Variants in POC1B observed in about 807,000 individuals in gnomAD.
POC1B encodes the protein POC1 centriolar protein B.
Under a neutral mutation model 60.6 loss-of-function variants are expected in POC1B, and 44 were observed. The ratio of observed to expected loss-of-function variants is 0.73; its 90% CI spans 0.57 to 0.93. POC1B has a LOEUF of 0.93. POC1B is among the 40% of genes least tolerant of loss of function. POC1B has a pLI of 0.00. For synonymous variants in POC1B, 180 were observed against 198.9 expected (o/e 0.90, Z 0.80); for missense variants, 555 against 572.3 (o/e 0.97, Z 0.31).
chr12:89,440,948 C>G (rs1881486395), intron 10 of POC1B, among the ~76,000 whole-genome samples: 1 of 152,250 alleles, frequency 6.6e-6, no homozygotes, highest in Non-Finnish European at 1.5e-5. Flanking sequence ...TCTTAGCAAA[C>G]AGCACACCAG....
chr12:89,522,601 C>A, intron 2 of POC1B: 2 of 458,052 alleles, frequency 4.4e-6, no homozygotes, highest in Admixed American at 4.1e-5. Flanking sequence ...ATAAAACAAC[C>A]AATAAGTAAG....
In POC1B at chr12:89,524,028, A is replaced by G. The variant is rs375005667; in HGVS notation, c.100+1092T>C. The G allele has an allele frequency of 3.0e-5, 48 of 1,613,522 alleles. 1 individual carries two copies. In the Middle Eastern group the frequency reaches 6.6e-4, roughly 22 times the overall value. On this transcript the variant is annotated intron_variant, in intron 2 of 11. Transcript: ENST00000313546. ...TCAAATAAACTCTGTCACTCAAGTC[A>G]TCCACCAAGATGATCTCTTTCAAAA...
chr12:89,406,912 G>A, the POC1B span, among the ~76,000 whole-genome samples: 3 of 152,024 alleles, frequency 2.0e-5, no homozygotes, highest in East Asian at 3.9e-4. Flanking sequence ...TTGGGAGGTG[G>A]AGACGATAGG....
In POC1B at chr12:89,459,667, T is replaced by G. The variant is rs745746898; in HGVS notation, c.1084A>C (p.Met362Leu). The G allele has an allele frequency of 2.0e-6, 3 of 1,498,042 alleles. No homozygotes were observed. In the South Asian group the frequency reaches 4.0e-5, roughly 20 times the overall value. 92.8% of individuals were successfully genotyped at this position (1,498,042 alleles called of 1,614,324 possible). ...GTAGAATCAAAAGAAAGGATATCCA[T>G]AACAGGGGGAGTAGAGATCTGCAAA... ...IDLQISTPPVMDILSFDSTTT... is the reference protein window; with the variant it reads ...IDLQISTPPVLDILSFDSTTT... Residue 362 changes from methionine (M) to leucine (L), a missense_variant, in exon 10 of 12, where the codon ATG (methionine) becomes CTG (leucine). Coordinates refer to ENST00000313546, the MANE Select transcript of POC1B (RefSeq NM_172240.3).
Position 89,502,462 on chromosome 12 carries a change from G to A in POC1B, c.101-5120C>T, listed in dbSNP as rs370135428. ...AATATCGTCTAAAAGGAAGGCAAGA[G>A]AAAATATTGGAAAAGTTGACAAAAA... On this transcript the variant is annotated intron_variant, in intron 2 of 11. Coordinates refer to ENST00000313546, the MANE Select transcript of POC1B (RefSeq NM_172240.3). 6 of 1,182,004 alleles carry A rather than the reference G, an allele frequency of 5.1e-6. No homozygotes were observed. The South Asian group carries it at 6.5e-5, about 13-fold the overall frequency. 73.2% of individuals were successfully genotyped at this position (1,182,004 alleles called of 1,614,324 possible). A position where few individuals can be genotyped will look rare whatever the true frequency, so the allele number is the denominator to read the frequency against.
chr12:89,402,826 G>A, the POC1B span, among the ~76,000 whole-genome samples: 1 of 151,576 alleles, frequency 6.6e-6, no homozygotes, highest in Non-Finnish European at 1.5e-5. Context: ...TGCAACCTTC[G>A]CCTCCCAGGT....
At chr12:89,403,171 C>G in the POC1B span, among the ~76,000 whole-genome samples, 3 of 151,796 alleles carry the variant, frequency 2.0e-5, no homozygotes, top group Non-Finnish European at 2.9e-5. Context: ...CCACACCCAG[C>G]TAATTTTTGT....
chr12:89,433,084 G>A (rs904714949), intron 10 of POC1B, among the ~76,000 whole-genome samples: 4 of 152,200 alleles, frequency 2.6e-5, no homozygotes, highest in Non-Finnish European at 5.9e-5. Flanking sequence ...GACATGAATG[G>A]AAGAGTGGGG....
chr12:89,443,774 A>T (rs1881640876), intron 10 of POC1B, among the ~76,000 whole-genome samples: 1 of 151,962 alleles, frequency 6.6e-6, no homozygotes, highest in African/African-American at 2.4e-5. Context: ...TGAAGGAGAT[A>T]GAGACACAAA....
chr12:89,499,981 G>A, intron 2 of POC1B: 1 of 751,748 alleles, frequency 1.3e-6, no homozygotes, highest in Non-Finnish European at 2.2e-6. Context: ...TAAGGGTGTT[G>A]CTTGGCCGCC....
chr12:89,523,651 C>A (rs1232947961), intron 2 of POC1B: 1 of 1,537,690 alleles, frequency 6.5e-7, no homozygotes. Flanking sequence ...GGGGTCAATT[C>A]TTGATATCCG....
At chr12:89,504,330 T>C (rs1869788355) in intron 2 of POC1B, among the ~76,000 whole-genome samples, 1 of 152,192 alleles carries the variant, frequency 6.6e-6, no homozygotes, top group African/African-American at 2.4e-5. Context: ...CTCTGAAACA[T>C]GTGCTGTGTC....
intron 10 of POC1B, among the ~76,000 whole-genome samples, chr12:89,457,269 G>A (rs1448271419): frequency 6.6e-6 from 1 of 152,150 alleles, no homozygotes; most frequent in Non-Finnish European, 1.5e-5. Flanking sequence ...TCAGTGTAGG[G>A]AGGAGACTAT....
In POC1B at chr12:89,442,900, G is replaced by A. The variant is rs146909872; in HGVS notation, c.1113+16738C>T. 7.7e-3 allele frequency among the ~76,000 whole-genome samples: 1,165 copies of A among 152,266 alleles called. 10 individuals are homozygous for A. The highest frequency in any genetic ancestry group is 0.026 in the African/African-American group (1,089 of 41,538). On this transcript the variant is annotated intron_variant, in intron 10 of 11. Transcript: ENST00000313546. ...CACAATAGGCTCAAAATAAAGAGAT[G>A]GAGGAAGATCTACCAAGAAAATGAA...
At chr12:89,495,303 G>T (rs1869188614) in intron 3 of POC1B, among the ~76,000 whole-genome samples, 1 of 152,188 alleles carries the variant, frequency 6.6e-6, no homozygotes, top group Non-Finnish European at 1.5e-5. Context: ...AATTCCCAAA[G>T]TTAAGGGTTT....
chr12:89,517,042 CAT>C (rs112790633), intron 2 of POC1B, among the ~76,000 whole-genome samples: 38 of 152,172 alleles, frequency 2.5e-4, no homozygotes, highest in Non-Finnish European at 1.5e-4. Context: ...GACATGGACA[CAT>C]GTTTTGGAGG....
intron 4 of POC1B, among the ~76,000 whole-genome samples, chr12:89,483,243 T>C (rs1286878108): frequency 1.3e-5 from 2 of 152,202 alleles, no homozygotes; most frequent in Non-Finnish European, 2.9e-5. Flanking sequence ...CGATATTCGA[T>C]AGTTTTATAA....
chr12:89,463,916 G>C (rs1239316300), intron 9 of POC1B, among the ~76,000 whole-genome samples: 1 of 152,176 alleles, frequency 6.6e-6, no homozygotes, highest in Non-Finnish European at 1.5e-5. Flanking sequence ...GGCTAGCAAA[G>C]GGGTGGCTTT....
chr12:89,518,918 T>C (rs1356668378), intron 2 of POC1B, among the ~76,000 whole-genome samples: 1 of 152,166 alleles, frequency 6.6e-6, no homozygotes, highest in Non-Finnish European at 1.5e-5. Context: ...CTGATTTTGT[T>C]AGAGTCCTTA....
Sources: allele counts gnomAD v4.1 joint callset (sites outside exome capture counted in the v4.1 genomes callset), GRCh38; gene constraint gnomAD v4.1.1; transcripts MANE v1.5; gene names NCBI Gene and HGNC (gene_info 2026-07-23, HGNC 2026-07-21).